Variants in CNTNAP2 observed in about 807,000 individuals in gnomAD.
CNTNAP2 encodes contactin-associated protein-like 2.
In CNTNAP2, 98 loss-of-function variants were observed where a neutral mutation model predicts 155.2. The ratio of observed to expected loss-of-function variants is 0.63; its 90% CI spans 0.54 to 0.75. The LOEUF (loss-of-function observed/expected upper bound fraction) is 0.75. CNTNAP2 is among the 30% of genes least tolerant of loss of function. The pLI is 0.00. For synonymous variants in CNTNAP2, 651 were observed against 631.2 expected, an observed-to-expected ratio of 1.03 and a Z score of -0.47; for missense variants, 1,727 against 1,688.1, an observed-to-expected ratio of 1.02 and a Z score of -0.40.
In CNTNAP2 at chr7:148,265,376, C is replaced by CT. The variant is rs1796649161; in HGVS notation, c.3382-1656dup. On this transcript the variant is annotated intron_variant, in intron 20 of 23. Coordinates refer to ENST00000361727, the MANE Select transcript of CNTNAP2 (RefSeq NM_014141.6). Reference sequence around the variant, plus strand: ...GCAGGCTTGACCTCCTGGCCTCAAGCTATCCTCCCACCTCAGCCTCTCGAG... The same window carrying CT: ...GCAGGCTTGACCTCCTGGCCTCAAGCTTATCCTCCCACCTCAGCCTCTCGAG... Among the ~76,000 whole-genome samples, 4 of 152,280 alleles carry CT rather than the reference C, an allele frequency of 2.6e-5. No homozygotes were observed. In the South Asian group the frequency reaches 8.3e-4, roughly 32 times the overall value.
intron 15 of CNTNAP2, among the ~76,000 whole-genome samples, chr7:148,055,240 CA>C (rs1020536676): frequency 2.6e-5 from 4 of 152,128 alleles, no homozygotes; most frequent in African/African-American, 7.2e-5. Context: ...AGGCTATCTG[CA>C]AAAGATAATA....
At chr7:147,940,873 T>C (rs936349300) in intron 14 of CNTNAP2, among the ~76,000 whole-genome samples, 1 of 152,098 alleles carries the variant, frequency 6.6e-6, no homozygotes, top group Admixed American at 6.5e-5. Flanking sequence ...ATCAAACAAA[T>C]CACCATACTA....
intron 1 of CNTNAP2, among the ~76,000 whole-genome samples, chr7:146,272,464 A>T (rs2129083533): frequency 6.6e-6 from 1 of 152,286 alleles, no homozygotes; most frequent in African/African-American, 2.4e-5. Context: ...ACATTTTAAT[A>T]AATGATAATA....
chr7:147,801,334 T>A lies in CNTNAP2; in HGVS notation c.2099-102231T>A, dbSNP rs1170365311. ...GTTTTTTTTTTTTTTTTAATTTTTT[T>A]TTTTTTTTATTGATCATTCTTGGGT... is the stretch of plus-strand genomic sequence containing the variant. On this transcript the variant is annotated intron_variant, in intron 13 of 23. Coordinates refer to ENST00000361727, the MANE Select transcript of CNTNAP2 (RefSeq NM_014141.6). 2.7e-3 allele frequency among the ~76,000 whole-genome samples: 409 copies of A among 148,806 alleles called. 2 individuals carry two copies. The highest frequency in any genetic ancestry group is 9.6e-3 in the African/African-American group (389 of 40,346).
intron 13 of CNTNAP2, among the ~76,000 whole-genome samples, chr7:147,736,336 G>C (rs1438294707): frequency 6.6e-6 from 1 of 152,170 alleles, no homozygotes; most frequent in Non-Finnish European, 1.5e-5. Flanking sequence ...CTTTAAGAAT[G>C]TTGAATATTG....
intron 1 of CNTNAP2, among the ~76,000 whole-genome samples, chr7:146,466,241 C>T (rs573844610): frequency 9.2e-5 from 14 of 152,220 alleles, no homozygotes; most frequent in South Asian, 2.1e-4. Flanking sequence ...AAGGATGCAC[C>T]GGGTCAGAGG....
At chr7:146,666,127 A>C (rs2129167096) in intron 1 of CNTNAP2, among the ~76,000 whole-genome samples, 1 of 152,136 alleles carries the variant, frequency 6.6e-6, no homozygotes, top group Non-Finnish European at 1.5e-5. Flanking sequence ...TCCTTTGATA[A>C]ATCTCTCCCT....
chr7:148,022,007 A>G (rs573493780), intron 15 of CNTNAP2, among the ~76,000 whole-genome samples: 3 of 152,204 alleles, frequency 2.0e-5, no homozygotes, highest in South Asian at 4.1e-4. Flanking sequence ...CCACTCGACG[A>G]TGGTTTTGAT....
chr7:146,375,639 T>C (rs2129103641), intron 1 of CNTNAP2, among the ~76,000 whole-genome samples: 1 of 152,336 alleles, frequency 6.6e-6, no homozygotes, highest in South Asian at 2.1e-4. Context: ...TTTGTGAGAT[T>C]TGAGGCATGT....
chr7:147,816,047 G>A (rs548713679), intron 13 of CNTNAP2, among the ~76,000 whole-genome samples: 2 of 152,246 alleles, frequency 1.3e-5, no homozygotes, highest in Non-Finnish European at 2.9e-5. Context: ...AAGAGTTAAA[G>A]TGATTTTGTA....
intron 3 of CNTNAP2, among the ~76,000 whole-genome samples, chr7:147,028,498 G>T (rs1004462819): frequency 6.6e-6 from 1 of 152,092 alleles, no homozygotes; most frequent in African/African-American, 2.4e-5. Flanking sequence ...GGAATACAGG[G>T]GCACCGTAGA....
chr7:147,645,377 T>C (rs1030839666), intron 13 of CNTNAP2, among the ~76,000 whole-genome samples: 1 of 152,234 alleles, frequency 6.6e-6, no homozygotes, highest in Admixed American at 6.5e-5. Context: ...AAAAGATTTT[T>C]CAGTAAATAA....
chr7:146,270,414 T>G (rs1020421588), intron 1 of CNTNAP2, among the ~76,000 whole-genome samples: 1 of 152,156 alleles, frequency 6.6e-6, no homozygotes, highest in Non-Finnish European at 1.5e-5. Context: ...TAGAAATAGA[T>G]GAATTTTGAT....
intron 1 of CNTNAP2, among the ~76,000 whole-genome samples, chr7:146,255,914 G>A (rs534249664): frequency 1.3e-5 from 2 of 152,318 alleles, no homozygotes; most frequent in South Asian, 4.1e-4. Context: ...GATGAACCCA[G>A]TCTGGTGGAA....
intron 20 of CNTNAP2, among the ~76,000 whole-genome samples, chr7:148,263,387 GAC>G: frequency 6.6e-6 from 1 of 152,038 alleles, no homozygotes; most frequent in East Asian, 1.9e-4. Context: ...GAAGCAAGAT[GAC>G]ACAATCAACA....
chr7:147,699,526 C>T (rs1466021473), intron 13 of CNTNAP2, among the ~76,000 whole-genome samples: 1 of 151,916 alleles, frequency 6.6e-6, no homozygotes, highest in Non-Finnish European at 1.5e-5. Flanking sequence ...GTGCAGCAAA[C>T]CATCATGGCA....
intron 10 of CNTNAP2, among the ~76,000 whole-genome samples, chr7:147,404,202 G>C (rs960138807): frequency 1.3e-5 from 2 of 152,150 alleles, no homozygotes; most frequent in Non-Finnish European, 2.9e-5. Flanking sequence ...CTCTACATTT[G>C]CTCAATCCTG....
At chr7:147,576,518 A>G (rs1422255152) in intron 12 of CNTNAP2, among the ~76,000 whole-genome samples, 1 of 152,068 alleles carries the variant, frequency 6.6e-6, no homozygotes, top group Non-Finnish European at 1.5e-5. Context: ...TTTGCCTTAT[A>G]CTGGGATCAG....
intron 1 of CNTNAP2, among the ~76,000 whole-genome samples, chr7:146,614,652 A>C (rs1452644866): frequency 1.3e-5 from 2 of 152,226 alleles, no homozygotes; most frequent in Non-Finnish European, 2.9e-5. Context: ...TTGTGCTTGC[A>C]ATCTGTTTCT....
Sources: allele counts gnomAD v4.1 joint callset (sites outside exome capture counted in the v4.1 genomes callset), GRCh38; gene constraint gnomAD v4.1.1; transcripts MANE v1.5; gene names NCBI Gene and HGNC (gene_info 2026-07-23, HGNC 2026-07-21).